TMCO5A: variants seen among roughly 807,000 people sequenced by gnomAD.
The protein encoded by TMCO5A is transmembrane and coiled-coil domain-containing protein 5A.
A neutral mutation model predicts 42.3 loss-of-function variants in TMCO5A; 34 were observed. That is an observed-to-expected ratio of 0.80 (90% CI 0.61 to 1.07). TMCO5A has a LOEUF of 1.07. TMCO5A is among the 50% of genes least tolerant of loss of function. The pLI, the probability that TMCO5A is intolerant of heterozygous loss-of-function variation, is 0.00. For missense variants in TMCO5A, 357 were observed against 327.9 expected, an observed-to-expected ratio of 1.09 and a Z score of -0.69; for synonymous variants, 131 against 115.6, an observed-to-expected ratio of 1.13 and a Z score of -0.86.
chr15:38,008,585 C>T, the TMCO5A span, among the ~76,000 whole-genome samples: 1 of 152,134 alleles, frequency 6.6e-6, no homozygotes. Flanking sequence ...TTTCTAGGAT[C>T]AAAATGACAA....
At position 37,938,199 on chromosome 15, in the gene TMCO5A, C is replaced by G; in HGVS notation, c.357C>G (p.Ser119Arg). The part of the protein sequence containing the change: ...KSQKITNCEQ[S>R]SPDGALEETK... ...AAAAGATAACCAATTGTGAACAAAG[C>G]AGTCCAGATGGAGCCCTAGAAGAGA... Residue 119 changes from serine to arginine, a missense_variant, in exon 6 of 12, where the codon AGC (serine) becomes AGG (arginine). Transcript: ENST00000319669. 6.3e-7 allele frequency: 1 copy of G among 1,582,204 alleles called. No homozygotes were observed. Among genetic ancestry groups the G allele is most frequent in the Non-Finnish European group, 8.6e-7 (1 of 1,162,844 alleles).
chr15:38,024,746 T>C, the TMCO5A span: 2 of 152,198 alleles, frequency 1.3e-5, no homozygotes, highest in Non-Finnish European at 2.9e-5. Context: ...GACCTAAGAA[T>C]GAAGGCACCT....
At chr15:37,987,789 C>A in the TMCO5A span, among the ~76,000 whole-genome samples, 99 of 152,020 alleles carry the variant, frequency 6.5e-4, no homozygotes, top group Middle Eastern at 3.4e-3. Flanking sequence ...GTTTTGAAAT[C>A]AGGAAGTATA....
chr15:38,036,494 TCTCA>T, the TMCO5A span, among the ~76,000 whole-genome samples: 26,294 of 135,136 alleles, frequency 0.19, 2,514 homozygotes, highest in South Asian at 0.37. Context: ...TCTCTCTCTC[TCTCA>T]CACACACACA....
the TMCO5A span, among the ~76,000 whole-genome samples, chr15:38,021,252 A>G: frequency 4.6e-5 from 7 of 152,190 alleles, no homozygotes; most frequent in African/African-American, 1.7e-4. Flanking sequence ...CCTTCCTAGA[A>G]AATCCAAAGC....
the TMCO5A span, chr15:38,024,797 G>A: frequency 6.6e-6 from 1 of 152,276 alleles, no homozygotes; most frequent in African/African-American, 2.4e-5. Flanking sequence ...TGACCGGCCA[G>A]GGGCCCTGAG....
chr15:37,963,904 G>A (rs1282013022), intron 11 of TMCO5A, among the ~76,000 whole-genome samples: 1 of 152,026 alleles, frequency 6.6e-6, no homozygotes, highest in East Asian at 1.9e-4. Context: ...TTCACTTCTT[G>A]TTTCATTTTT....
At chr15:37,961,333 C>T (rs759075309) in intron 11 of TMCO5A, among the ~76,000 whole-genome samples, 2 of 151,936 alleles carry the variant, frequency 1.3e-5, no homozygotes, top group Non-Finnish European at 2.9e-5. Flanking sequence ...TTTGCTTTGT[C>T]GAATATCAGT....
At chr15:38,037,489 T>G in the TMCO5A span, among the ~76,000 whole-genome samples, 6 of 152,130 alleles carry the variant, frequency 3.9e-5, no homozygotes, top group African/African-American at 1.4e-4. Flanking sequence ...TATTCCCAAG[T>G]TAAGGGGGCC....
chr15:37,970,820 A>T (rs1890659953), downstream of TMCO5A, among the ~76,000 whole-genome samples: 1 of 152,208 alleles, frequency 6.6e-6, no homozygotes, highest in Non-Finnish European at 1.5e-5. Flanking sequence ...CTTTGATTCC[A>T]TGTCTCATAT....
At chr15:38,014,897 ATG>A in the TMCO5A span, among the ~76,000 whole-genome samples, 1 of 127,010 alleles carries the variant, frequency 7.9e-6, no homozygotes, top group East Asian at 2.3e-4. Context: ...ATATATATAT[ATG>A]AGTTTATGAA....
the TMCO5A span, among the ~76,000 whole-genome samples, chr15:38,009,867 G>C: frequency 6.6e-6 from 1 of 152,192 alleles, no homozygotes; most frequent in Non-Finnish European, 1.5e-5. Context: ...ATTGTATCTG[G>C]AGCATAATGA....
the TMCO5A span, chr15:38,020,637 T>C: frequency 3.9e-5 from 6 of 152,308 alleles, no homozygotes; most frequent in East Asian, 1.9e-4. Flanking sequence ...AATAATTTGG[T>C]GATGAATATG....
downstream of TMCO5A, among the ~76,000 whole-genome samples, chr15:37,953,034 C>A (rs116303615): frequency 1.6e-4 from 25 of 152,146 alleles, no homozygotes; most frequent in Non-Finnish European, 3.5e-4. Flanking sequence ...TTGAATGCTA[C>A]CTTATCTGCA....
chr15:38,008,801 C>G, the TMCO5A span, among the ~76,000 whole-genome samples: 19 of 152,304 alleles, frequency 1.2e-4, no homozygotes, highest in Non-Finnish European at 2.1e-4. Context: ...CAAGACAACG[C>G]ATGACCATCT....
intron 10 of TMCO5A, 26 bp from the exon 11 acceptor site, chr15:37,947,630 T>C: frequency 6.5e-7 from 1 of 1,537,208 alleles, no homozygotes; most frequent in Non-Finnish European, 8.9e-7. Context: ...AAATTGCTTA[T>C]TTATCAATAT....
chr15:37,950,417 T>C (rs1890118319), intron 11 of TMCO5A, among the ~76,000 whole-genome samples: 1 of 152,148 alleles, frequency 6.6e-6, no homozygotes, highest in East Asian at 1.9e-4. Flanking sequence ...GTGAAAGTTA[T>C]GAAGTTGGGA....
chr15:38,010,383 CAAAAAAAAA>C, the TMCO5A span, among the ~76,000 whole-genome samples: 4 of 40,326 alleles, frequency 9.9e-5, no homozygotes, highest in Non-Finnish European at 1.3e-4. Flanking sequence ...ACTCCGTCTC[CAAAAAAAAA>C]AAAAAAAAAA....
At chr15:38,011,804 A>G in the TMCO5A span, among the ~76,000 whole-genome samples, 1 of 152,132 alleles carries the variant, frequency 6.6e-6, no homozygotes, top group Non-Finnish European at 1.5e-5. Flanking sequence ...GCTCTGAAAA[A>G]TATGTCTGTT....
Sources: gnomAD v4.1 joint callset for allele counts (sites outside exome capture counted in the v4.1 genomes callset) on GRCh38, gnomAD v4.1.1 for gene constraint, MANE v1.5 for transcripts, NCBI Gene and HGNC (gene_info 2026-07-23, HGNC 2026-07-21) for gene names.